The following ARHGAP20 variants were observed in gnomAD, a reference collection of about 807,000 sequenced individuals.
The protein encoded by ARHGAP20 is Rho GTPase activating protein 20, also known as rho GTPase-activating protein 20.
Under a neutral mutation model 73.7 loss-of-function variants are expected in ARHGAP20, and 34 were observed. The observed-to-expected ratio is 0.46, with a 90% CI of 0.35 to 0.61. The LOEUF is 0.61. Ranked by LOEUF, ARHGAP20 falls within the 20% of genes least tolerant of loss-of-function variation. The pLI, the probability that ARHGAP20 is intolerant of heterozygous loss-of-function variation, is 0.00. For missense variants in ARHGAP20, 1,314 were observed against 1,420.9 expected (o/e 0.92, Z 1.21); for synonymous variants, 523 against 518.2 (o/e 1.01, Z -0.13).
chr11:110,581,268 C>A, intron 14 of ARHGAP20, 43 bp from the exon 15 acceptor site: 1 of 1,533,242 alleles, frequency 6.5e-7, no homozygotes, highest in South Asian at 1.3e-5. Flanking sequence ...TTACTTACCA[C>A]AAATATACTC....
chr11:110,586,154 TAA>T, intron 12 of ARHGAP20, 60 bp downstream of exon 12: 1 of 842,658 alleles, frequency 1.2e-6, no homozygotes, highest in South Asian at 3.3e-5. Context: ...ATTATTTTAA[TAA>T]ATAATCTTAT....
At chr11:110,615,981 C>T (rs1389096439) in intron 4 of ARHGAP20, among the ~76,000 whole-genome samples, 1 of 152,118 alleles carries the variant, frequency 6.6e-6, no homozygotes, top group Non-Finnish European at 1.5e-5. Flanking sequence ...AGTCATTTAA[C>T]CTCTAAGCCT....
Position 110,712,428 on chromosome 11 carries a change from A to G in ARHGAP20, c.-197T>C. On this transcript the variant is annotated 5_prime_UTR_variant, in exon 1 of 15. Transcript: ENST00000683387. The stretch of plus-strand genomic sequence containing the variant: ...GCCTGCGCTCGACACCGCGGGCTGG[A>G]GGCGAGTGCAGCGGCGACAGCCCGT... The G allele has an allele frequency of 3.8e-6, 1 of 266,536 alleles. No homozygotes were observed. The highest frequency in any genetic ancestry group is 6.9e-6 in the Non-Finnish European group (1 of 145,640). 16.5% of individuals were successfully genotyped at this position (266,536 alleles called of 1,614,324 possible).
intron 2 of ARHGAP20, among the ~76,000 whole-genome samples, chr11:110,659,118 C>T (rs1490704319): frequency 6.0e-5 from 9 of 148,986 alleles, no homozygotes; most frequent in African/African-American, 2.2e-4. Flanking sequence ...AGTTCTAGAT[C>T]CCTGAGGAAT....
chr11:110,584,215 T>G (rs1947555615), intron 12 of ARHGAP20, among the ~76,000 whole-genome samples: 1 of 152,222 alleles, frequency 6.6e-6, no homozygotes. Context: ...AGGTCCATTT[T>G]GAGAGCTTAT....
At chr11:110,710,498 C>G (rs914871401) in intron 1 of ARHGAP20, among the ~76,000 whole-genome samples, 1 of 152,006 alleles carries the variant, frequency 6.6e-6, no homozygotes, top group Admixed American at 6.6e-5. Context: ...TCTTCCAATT[C>G]CTTACGTTTA....
chr11:110,593,139 T>G (rs1341974670), intron 9 of ARHGAP20, among the ~76,000 whole-genome samples: 2 of 152,158 alleles, frequency 1.3e-5, no homozygotes, highest in African/African-American at 4.8e-5. Context: ...GCCTTCCATC[T>G]AGTGAGTACT....
intron 2 of ARHGAP20, among the ~76,000 whole-genome samples, chr11:110,664,630 A>G (rs1448955552): frequency 1.3e-5 from 2 of 150,150 alleles, no homozygotes; most frequent in Non-Finnish European, 3.0e-5. Context: ...TGGGAGGCTG[A>G]GGCAGGAGAA....
chr11:110,649,553 C>G (rs746532127), intron 2 of ARHGAP20, among the ~76,000 whole-genome samples: 9 of 151,876 alleles, frequency 5.9e-5, no homozygotes, highest in Non-Finnish European at 1.2e-4. Flanking sequence ...CAGAATGTGT[C>G]CTTCCAACGA....
chr11:110,617,991 A>G (rs369705728), intron 4 of ARHGAP20, among the ~76,000 whole-genome samples: 2 of 152,284 alleles, frequency 1.3e-5, no homozygotes, highest in East Asian at 3.9e-4. Flanking sequence ...AAGGTGCCCT[A>G]AGGAAACAGA....
chr11:110,577,760 C>G lies in ARHGAP20; in HGVS notation c.*1610G>C. The G allele has an allele frequency of 1.0e-6, 1 of 985,824 alleles. No homozygotes were observed. The highest frequency in any genetic ancestry group is 1.2e-6 in the Non-Finnish European group (1 of 829,930). The allele number at this position is 985,824 out of a possible 1,614,324, so 61.1% of individuals were successfully genotyped here. A position where few individuals can be genotyped will look rare whatever the true frequency, so the allele number is the denominator to read the frequency against. ...TAAAAGATCATTGTAATGGTTAGCG[C>G]AAACAGGGCCATGTCCCCAAGAGGT... On this transcript the variant is annotated 3_prime_UTR_variant, in exon 15 of 15. Transcript: ENST00000683387.
chr11:110,626,458 T>G (rs1374309997), intron 3 of ARHGAP20, among the ~76,000 whole-genome samples: 1 of 152,216 alleles, frequency 6.6e-6, no homozygotes, highest in Non-Finnish European at 1.5e-5. Flanking sequence ...CATATACCAT[T>G]GTTGTAAATA....
chr11:110,644,665 T>A (rs1284993154), intron 2 of ARHGAP20, among the ~76,000 whole-genome samples: 3 of 152,270 alleles, frequency 2.0e-5, no homozygotes, highest in East Asian at 3.9e-4. Flanking sequence ...GATGAAATAC[T>A]CAAATGTAGG....
chr11:110,580,902 T>C lies in ARHGAP20; in HGVS notation c.2044A>G (p.Thr682Ala). The C allele has an allele frequency of 6.2e-7, 1 of 1,613,140 alleles. No homozygotes were observed. Among genetic ancestry groups the C allele is most frequent in the Non-Finnish European group, 8.5e-7 (1 of 1,179,090 alleles). Reference protein sequence around the residue: ...DHARAPSAMCTPSYLSTAAAN... With the variant: ...DHARAPSAMCAPSYLSTAAAN... ...GCAGCTGTGGACAGGTAGCTGGGTG[T>C]GCACATGGCAGATGGGGCCCTGGCA... is the stretch of plus-strand genomic sequence containing the variant. The change falls in exon 15 of 15, where the codon ACA becomes GCA. Residue 682 changes from threonine (T) to alanine (A), a missense_variant. By Grantham distance (58) the Thr-to-Ala change is moderately conservative. Around this residue, in one of 3 missense-constraint regions of ARHGAP20, gnomAD observed 641 missense variants for 636.9 expected, o/e 1.01. Coordinates refer to ENST00000683387, the MANE Select transcript of ARHGAP20 (RefSeq NM_001384657.1).
At chr11:110,585,219 T>C (rs1406077233) in intron 12 of ARHGAP20, among the ~76,000 whole-genome samples, 2 of 151,764 alleles carry the variant, frequency 1.3e-5, no homozygotes, top group East Asian at 3.9e-4. Context: ...ACTAGTTCCC[T>C]CATAAACGAT....
At chr11:110,609,869 C>T (rs1948325231) in intron 7 of ARHGAP20, among the ~76,000 whole-genome samples, 1 of 152,100 alleles carries the variant, frequency 6.6e-6, no homozygotes, top group Non-Finnish European at 1.5e-5. Context: ...TTCCTCCCTG[C>T]CCCATCCCTC....
intron 6 of ARHGAP20, among the ~76,000 whole-genome samples, chr11:110,613,529 T>G (rs11822684): frequency 0.097 from 14,707 of 152,192 alleles, 834 homozygotes; most frequent in African/African-American, 0.15. Context: ...CATCAGTCCT[T>G]TCTCAAGTAC....
chr11:110,606,153 A>G (rs1485080160), intron 9 of ARHGAP20, among the ~76,000 whole-genome samples: 1 of 152,186 alleles, frequency 6.6e-6, no homozygotes, highest in Non-Finnish European at 1.5e-5. Flanking sequence ...TCAGAACTAG[A>G]ATCCAGGTAG....
chr11:110,623,059 C>A (rs1250134474), intron 4 of ARHGAP20, among the ~76,000 whole-genome samples: 1 of 151,678 alleles, frequency 6.6e-6, no homozygotes, highest in African/African-American at 2.4e-5. Context: ...ATGAAAATAT[C>A]TAGAGAAATC....
Sources: allele counts gnomAD v4.1 joint callset (sites outside exome capture counted in the v4.1 genomes callset), GRCh38; gene constraint gnomAD v4.1.1; regional missense constraint gnomAD v4.1.1; transcripts MANE v1.5; gene names NCBI Gene and HGNC (gene_info 2026-07-23, HGNC 2026-07-21).